SYT9: variants seen among roughly 807,000 people sequenced by gnomAD.
The protein encoded by SYT9 is synaptotagmin-9.
SYT9 carries 22 observed loss-of-function variants against 48.4 expected under a neutral mutation model. That is an observed-to-expected ratio of 0.45 (90% confidence interval 0.32 to 0.65). SYT9 has a LOEUF of 0.65. SYT9 is among the 30% of genes least tolerant of loss of function. SYT9 has a pLI of 0.03. For missense variants in SYT9, 577 were observed against 622.0 expected, an observed-to-expected ratio of 0.93 and a Z score of 0.77; for synonymous variants, 265 against 245.0, an observed-to-expected ratio of 1.08 and a Z score of -0.76.
intron 3 of SYT9, among the ~76,000 whole-genome samples, chr11:7,365,647 CAG>C (rs1282300478): frequency 6.6e-6 from 1 of 152,226 alleles, no homozygotes; most frequent in Non-Finnish European, 1.5e-5. Context: ...ACTTTCTTCT[CAG>C]AGTATTTTCA....
intron 2 of SYT9, among the ~76,000 whole-genome samples, chr11:7,309,655 TC>T (rs1178863302): frequency 6.6e-6 from 1 of 152,190 alleles, no homozygotes; most frequent in Non-Finnish European, 1.5e-5. Flanking sequence ...TGCGTTTTCT[TC>T]CCACCTCTGT....
chr11:7,466,068 T>C (rs1320792595), intron 6 of SYT9, among the ~76,000 whole-genome samples: 1 of 152,176 alleles, frequency 6.6e-6, no homozygotes, highest in Non-Finnish European at 1.5e-5. Flanking sequence ...TTCCTCACAC[T>C]ACAGTCCAGT....
At chr11:7,386,420 G>C (rs1194116713) in intron 3 of SYT9, among the ~76,000 whole-genome samples, 1 of 147,040 alleles carries the variant, frequency 6.8e-6, no homozygotes, top group African/African-American at 2.5e-5. Flanking sequence ...CTAATATCCA[G>C]AATCTACAAT....
chr11:7,303,561 C>G (rs1462833862), intron 2 of SYT9, among the ~76,000 whole-genome samples, 171 bp downstream of exon 2: 2 of 152,120 alleles, frequency 1.3e-5, no homozygotes, highest in Non-Finnish European at 2.9e-5. Context: ...TTGGTCTCTA[C>G]TTAGTTCATA....
chr11:7,278,066 G>A (rs1305548689), intron 1 of SYT9, among the ~76,000 whole-genome samples: 2 of 152,166 alleles, frequency 1.3e-5, no homozygotes, highest in African/African-American at 4.8e-5. Context: ...TCTTGCCAGT[G>A]GGAACTTTCT....
At chr11:7,432,586 TATATAC>T (rs1250495278) in intron 6 of SYT9, among the ~76,000 whole-genome samples, 671 of 4,008 alleles carry the variant, frequency 0.17, 49 homozygotes, top group Middle Eastern at 0.25. Flanking sequence ...AAAAAAAATA[TATATAC>T]ATATATATAT....
At chr11:7,452,252 C>A (rs1044832066) in intron 6 of SYT9, among the ~76,000 whole-genome samples, 2 of 152,256 alleles carry the variant, frequency 1.3e-5, no homozygotes, top group Middle Eastern at 3.4e-3. Flanking sequence ...CTCACAAGCA[C>A]TTCTGCTTGT....
intron 4 of SYT9, among the ~76,000 whole-genome samples, chr11:7,417,546 C>T (rs1564896562): frequency 1.3e-5 from 2 of 152,150 alleles, no homozygotes. Flanking sequence ...AATTCAGAGT[C>T]TAGGAATTCC....
intron 4 of SYT9, among the ~76,000 whole-genome samples, chr11:7,417,097 C>G (rs1847265210): frequency 6.6e-6 from 1 of 152,108 alleles, no homozygotes; most frequent in Non-Finnish European, 1.5e-5. Context: ...CCAGTACACC[C>G]TGGCTTACAT....
At chr11:7,336,025 A>C (rs1429444452) in intron 3 of SYT9, among the ~76,000 whole-genome samples, 1 of 152,150 alleles carries the variant, frequency 6.6e-6, no homozygotes, top group African/African-American at 2.4e-5. Context: ...ACTTTTTAGT[A>C]GTAGCCATTC....
intron 3 of SYT9, among the ~76,000 whole-genome samples, chr11:7,346,372 G>C (rs1036917915): frequency 2.0e-5 from 3 of 152,196 alleles, no homozygotes; most frequent in Admixed American, 6.5e-5. Flanking sequence ...AGACCCCATC[G>C]GATGGCACGA....
intron 6 of SYT9, among the ~76,000 whole-genome samples, chr11:7,442,967 T>TGA (rs902783476): frequency 6.6e-6 from 1 of 150,598 alleles, no homozygotes; most frequent in South Asian, 2.1e-4. Context: ...GTGAGGAAAA[T>TGA]GAGAGAGAGG....
At chr11:7,368,327 T>C (rs1467549162) in intron 3 of SYT9, among the ~76,000 whole-genome samples, 1 of 142,552 alleles carries the variant, frequency 7.0e-6, no homozygotes, top group Non-Finnish European at 1.5e-5. Context: ...TAGCCAGATC[T>C]GACATTTGGA....
At chr11:7,295,511 C>T (rs541550479) in intron 1 of SYT9, among the ~76,000 whole-genome samples, 16 of 152,272 alleles carry the variant, frequency 1.1e-4, no homozygotes, top group Non-Finnish European at 2.2e-4. Context: ...AAGTATTCTG[C>T]AAGAAGCTTG....
intron 3 of SYT9, among the ~76,000 whole-genome samples, chr11:7,344,496 T>C (rs1442820440): frequency 6.6e-6 from 1 of 152,212 alleles, no homozygotes; most frequent in Admixed American, 6.5e-5. Flanking sequence ...ACAGTATTTT[T>C]TTTTACTGTT....
chr11:7,306,224 A>G (rs1193566069), intron 2 of SYT9, among the ~76,000 whole-genome samples: 2 of 152,136 alleles, frequency 1.3e-5, no homozygotes, highest in African/African-American at 4.8e-5. Flanking sequence ...ATGTATGAAA[A>G]TCCCTGGATC....
At chr11:7,415,581 C>T (rs1322025637) in intron 3 of SYT9, among the ~76,000 whole-genome samples, 6 of 151,866 alleles carry the variant, frequency 4.0e-5, no homozygotes, top group African/African-American at 9.7e-5. Context: ...TACCCTGGGC[C>T]GTGGGTGGGG....
chr11:7,400,876 T>C (rs11041353), intron 3 of SYT9, among the ~76,000 whole-genome samples: 24,935 of 152,104 alleles, frequency 0.16, 2,416 homozygotes, highest in South Asian at 0.3. Context: ...GTAATATATA[T>C]AATAATGTAG....
At chr11:7,259,614 G>A (rs1043688275) in intron 1 of SYT9, among the ~76,000 whole-genome samples, 1 of 151,978 alleles carries the variant, frequency 6.6e-6, no homozygotes, top group Non-Finnish European at 1.5e-5. Context: ...GTTTCAATTT[G>A]TGTTTTTTTT....
Sources: allele counts gnomAD v4.1 joint callset (sites outside exome capture counted in the v4.1 genomes callset), GRCh38; gene constraint gnomAD v4.1.1; transcripts MANE v1.5; gene names NCBI Gene and HGNC (gene_info 2026-07-23, HGNC 2026-07-21).